Variants in XRN1 observed in about 807,000 individuals in gnomAD.
XRN1 encodes the protein 5'-3' exoribonuclease 1, also known as strand-exchange protein 1 homolog.
XRN1 carries 67 observed loss-of-function variants against 222.3 expected under a neutral mutation model. The observed-to-expected ratio is 0.30, with a 90% CI of 0.25 to 0.37. The LOEUF is 0.37. Among genes scored for constraint, XRN1 ranks in the 10% least tolerant of loss-of-function variants. The pLI is 1.00. For missense variants in XRN1, 1,707 were observed against 2,000.2 expected (o/e 0.85, Z 2.80); for synonymous variants, 643 against 652.4 (o/e 0.99, Z 0.22).
intron 29 of XRN1, among the ~76,000 whole-genome samples, chr3:142,362,207 G>A (rs946990109): frequency 3.3e-5 from 5 of 151,544 alleles, no homozygotes; most frequent in Admixed American, 6.6e-5. Context: ...GCATGATCTC[G>A]GCTCACTGCA....
intron 15 of XRN1, among the ~76,000 whole-genome samples, chr3:142,408,677 T>TAA (rs1019416598): frequency 5.3e-5 from 8 of 152,238 alleles, no homozygotes; most frequent in African/African-American, 1.9e-4. Context: ...AAACATTTTT[T>TAA]AAACATACTT....
intron 39 of XRN1, among the ~76,000 whole-genome samples, chr3:142,314,553 C>T (rs1433830885): frequency 6.6e-6 from 1 of 151,992 alleles, no homozygotes; most frequent in Non-Finnish European, 1.5e-5. Context: ...TACGGTGATA[C>T]TATTACATTG....
Position 142,371,262 on chromosome 3 carries a change from A to G in XRN1, c.3045T>C (p.Ile1015=), listed in dbSNP as rs2066984458. ...ACCCATTCTCATTTTCTCCAGGCCA[A>G]ATGTCATCTTCATAGAACACATCCT... The part of the protein sequence containing the change: ...SQEDVFYEDD[I]WPGENENGAE... Residue 1015 remains isoleucine (I), a synonymous_variant, in exon 26 of 41, where the codon ATT becomes ATC. Transcript: ENST00000392981. 7 of 1,613,550 alleles carry G rather than the reference A, an allele frequency of 4.3e-6. No homozygotes were observed. The highest frequency in any genetic ancestry group is 5.9e-6 in the Non-Finnish European group (7 of 1,179,862).
intron 33 of XRN1, among the ~76,000 whole-genome samples, chr3:142,340,473 G>A (rs1341004763): frequency 1.3e-5 from 2 of 151,486 alleles, no homozygotes; most frequent in South Asian, 4.2e-4. Context: ...TAGCCTTAAA[G>A]AGAAGGTAGA....
intron 5 of XRN1, among the ~76,000 whole-genome samples, 178 bp from the exon 6 acceptor site, chr3:142,423,820 T>C (rs550053471): frequency 6.6e-6 from 1 of 152,312 alleles, no homozygotes; most frequent in South Asian, 2.1e-4. Flanking sequence ...AGTGTACTTT[T>C]CTAAGAAAAA....
chr3:142,392,839 C>A (rs2067782359), intron 20 of XRN1, among the ~76,000 whole-genome samples: 2 of 151,740 alleles, frequency 1.3e-5, no homozygotes. Flanking sequence ...GGTATATACC[C>A]CGTAATGGGA....
rs1262802103 is a variant in XRN1, at chr3:142,311,240, T to C, written c.*271A>G. On this transcript the variant is annotated 3_prime_UTR_variant, in exon 41 of 41. Transcript: ENST00000392981. ...TGTTTAGTCCACTGATACTGTGATA[T>C]TATTTTAATGCAAGGTTTAATTTAG... 1 of 250,636 alleles carries C rather than the reference T, an allele frequency of 4.0e-6. No homozygotes were observed. Among genetic ancestry groups the C allele is most frequent in the Non-Finnish European group, 7.7e-6 (1 of 130,610 alleles). The allele number at this position is 250,636 out of a possible 1,614,324, so 15.5% of individuals were successfully genotyped here.
chr3:142,432,048 G>C (rs1217423520), intron 2 of XRN1, among the ~76,000 whole-genome samples: 2 of 96,606 alleles, frequency 2.1e-5, no homozygotes, highest in Admixed American at 1.4e-4. Flanking sequence ...TTGAGACGGA[G>C]TTTTGCATAT....
chr3:142,331,524 T>C (rs999027040), intron 36 of XRN1, among the ~76,000 whole-genome samples: 16 of 152,220 alleles, frequency 1.1e-4, no homozygotes, highest in African/African-American at 3.1e-4. Context: ...TTTATACATG[T>C]TATATAATTA....
intron 19 of XRN1, 26 bp from the exon 20 acceptor site, chr3:142,397,486 T>G (rs2067974040): frequency 2.6e-6 from 4 of 1,554,866 alleles, no homozygotes; most frequent in Non-Finnish European, 3.5e-6. Flanking sequence ...AAAAATTATA[T>G]AACCAAAATG....
intron 32 of XRN1, among the ~76,000 whole-genome samples, chr3:142,349,415 A>G (rs1157245706): frequency 1.3e-5 from 2 of 152,144 alleles, no homozygotes; most frequent in African/African-American, 4.8e-5. Context: ...AGTGTCTTCT[A>G]TGTGCCAGGT....
At chr3:142,337,734 A>G (rs1326478268) in intron 33 of XRN1, among the ~76,000 whole-genome samples, 2 of 152,218 alleles carry the variant, frequency 1.3e-5, no homozygotes, top group African/African-American at 4.8e-5. Flanking sequence ...GGAGTATATA[A>G]TAGGCAAGTG....
intron 19 of XRN1, 93 bp downstream of exon 19, chr3:142,400,351 T>C: frequency 9.7e-7 from 1 of 1,032,414 alleles, no homozygotes; most frequent in Non-Finnish European, 1.4e-6. Flanking sequence ...GTTCTTAATA[T>C]AATTTTGTCA....
chr3:142,329,954 C>A (rs1042673300), intron 36 of XRN1, among the ~76,000 whole-genome samples: 8 of 152,268 alleles, frequency 5.3e-5, no homozygotes, highest in Admixed American at 4.6e-4. Flanking sequence ...TTCCATGAAG[C>A]ACATATAAAC....
intron 1 of XRN1, among the ~76,000 whole-genome samples, chr3:142,441,299 T>C (rs1043701017): frequency 1.6e-4 from 25 of 152,128 alleles, no homozygotes; most frequent in Admixed American, 2.6e-4. Context: ...TATACACTAA[T>C]TAAGGAAACT....
Position 142,333,001 on chromosome 3 carries a change from C to T in XRN1, c.4028G>A (p.Ser1343Asn). 6.2e-7 allele frequency: 1 copy of T among 1,613,840 alleles called. No individual in the cohort carries two copies. The highest frequency in any genetic ancestry group is 1.1e-5 in the South Asian group (1 of 91,048). Reference protein sequence around the residue: ...VQSSHHGEPPSEEHLSPQSFA... With the variant: ...VQSSHHGEPPNEEHLSPQSFA... Reference sequence around the variant, plus strand: ...TGACTGTGGTGACAAATGCTCTTCACTTGGAGGCTCCCCATGATGAGATGA... The same window carrying T: ...TGACTGTGGTGACAAATGCTCTTCATTTGGAGGCTCCCCATGATGAGATGA... Residue 1343 changes from serine (S) to asparagine (N), a missense_variant, in exon 35 of 41, where the codon AGT (serine) becomes AAT (asparagine). Coordinates refer to ENST00000392981, the MANE Select transcript of XRN1 (RefSeq NM_001282857.2).
At chr3:142,369,508 C>T (rs1050161007) in intron 27 of XRN1, among the ~76,000 whole-genome samples, 5 of 150,750 alleles carry the variant, frequency 3.3e-5, no homozygotes, top group African/African-American at 7.3e-5. Context: ...ATTGGCTGGG[C>T]GAGGTGGCAG....
intron 26 of XRN1, 106 bp downstream of exon 26, chr3:142,371,133 A>C: frequency 2.5e-6 from 2 of 816,202 alleles, no homozygotes; most frequent in Non-Finnish European, 3.6e-6. Flanking sequence ...CTGTCTCAAA[A>C]AAAAAAAAAA....
intron 39 of XRN1, among the ~76,000 whole-genome samples, chr3:142,316,409 T>C (rs1323286434): frequency 6.6e-6 from 1 of 151,964 alleles, no homozygotes; most frequent in Non-Finnish European, 1.5e-5. Flanking sequence ...AGATTAGAGA[T>C]GGGGTTTTAT....
Sources: allele counts gnomAD v4.1 joint callset (sites outside exome capture counted in the v4.1 genomes callset), GRCh38; gene constraint gnomAD v4.1.1; transcripts MANE v1.5; gene names NCBI Gene and HGNC (gene_info 2026-07-23, HGNC 2026-07-21).